The following EHMT1 variants were observed in gnomAD, a reference collection of about 807,000 sequenced individuals.
The protein encoded by EHMT1 is euchromatic histone lysine methyltransferase 1.
EHMT1 carries 15 observed loss-of-function variants against 147.2 expected under a neutral mutation model. The observed-to-expected ratio is 0.10, with a 90% CI of 0.07 to 0.16. The LOEUF (loss-of-function observed/expected upper bound fraction) is 0.16. EHMT1 is among the 10% of genes least tolerant of loss of function. The pLI, the probability that EHMT1 is intolerant of heterozygous loss-of-function variation, is 1.00. For missense variants in EHMT1, 1,587 were observed against 1,772.4 expected (o/e 0.90, Z 1.88); for synonymous variants, 795 against 709.6 (o/e 1.12, Z -1.91).
At chr9:137,717,357 C>A (rs1945435084) in intron 3 of EHMT1, 175 bp downstream of exon 3, 2 of 835,860 alleles carry the variant, frequency 2.4e-6, no homozygotes. Context: ...TATCGCAGCA[C>A]TTTGGGAGGC....
At chr9:137,702,590 C>T (rs1943929839) in intron 1 of EHMT1, among the ~76,000 whole-genome samples, 1 of 152,130 alleles carries the variant, frequency 6.6e-6, no homozygotes, top group Non-Finnish European at 1.5e-5. Flanking sequence ...CCTGCAGCTG[C>T]TTTCATGGGC....
chr9:137,651,400 T>A (rs532674391), intron 1 of EHMT1, among the ~76,000 whole-genome samples: 5 of 152,208 alleles, frequency 3.3e-5, no homozygotes, highest in Non-Finnish European at 2.9e-5. Flanking sequence ...TTTAATTAGA[T>A]CTTTGATCTA....
chr9:137,700,257 C>T (rs1432650846), intron 1 of EHMT1, among the ~76,000 whole-genome samples: 2 of 152,172 alleles, frequency 1.3e-5, no homozygotes, highest in East Asian at 3.9e-4. Context: ...TCATGACAGC[C>T]TGTAGTGCCC....
intron 1 of EHMT1, among the ~76,000 whole-genome samples, chr9:137,624,406 G>C (rs953482128): frequency 2.0e-5 from 3 of 149,272 alleles, no homozygotes; most frequent in Non-Finnish European, 4.4e-5. Flanking sequence ...TCTGCAACCT[G>C]CCCGGTTCAG....
chr9:137,666,077 CCT>C (rs1366663850), intron 1 of EHMT1: 2 of 152,262 alleles, frequency 1.3e-5, no homozygotes, highest in Non-Finnish European at 2.9e-5. Flanking sequence ...TTGCTTAATC[CCT>C]CTTTCTTTTA....
chr9:137,832,256 C>T (rs1265726998), intron 25 of EHMT1, among the ~76,000 whole-genome samples: 1 of 151,100 alleles, frequency 6.6e-6, no homozygotes, highest in East Asian at 2.0e-4. Flanking sequence ...TGGCTGGGCT[C>T]CCTCCTCAGG....
At chr9:137,716,029 TA>T (rs1357274099) in intron 2 of EHMT1, among the ~76,000 whole-genome samples, 6 of 141,758 alleles carry the variant, frequency 4.2e-5, no homozygotes, top group Non-Finnish European at 9.3e-5. Flanking sequence ...GGTGGTGTCA[TA>T]GGGGGAGGAA....
chr9:137,729,174 T>A (rs1946882099), intron 4 of EHMT1, among the ~76,000 whole-genome samples: 2 of 152,144 alleles, frequency 1.3e-5, no homozygotes, highest in African/African-American at 2.4e-5. Flanking sequence ...AGGCCCTTCC[T>A]GCCAGCCCTC....
At chr9:137,740,667 A>G (rs1390207060) in intron 4 of EHMT1, among the ~76,000 whole-genome samples, 1 of 117,818 alleles carries the variant, frequency 8.5e-6, no homozygotes, top group African/African-American at 6.3e-5. Flanking sequence ...ATGTTTCTCT[A>G]CTATTTAATG....
chr9:137,626,999 C>T (rs921852042), intron 1 of EHMT1, among the ~76,000 whole-genome samples: 1 of 152,062 alleles, frequency 6.6e-6, no homozygotes, highest in African/African-American at 2.4e-5. Flanking sequence ...GCTTTGTTGC[C>T]TAGGCTGGAG....
chr9:137,795,476 C>T (rs934192883), intron 16 of EHMT1, among the ~76,000 whole-genome samples: 1 of 150,998 alleles, frequency 6.6e-6, no homozygotes, highest in Non-Finnish European at 1.5e-5. Flanking sequence ...AACACATTCA[C>T]TCAGACCAGG....
chr9:137,792,662 G>T (rs1436435121), intron 16 of EHMT1, among the ~76,000 whole-genome samples: 1 of 152,190 alleles, frequency 6.6e-6, no homozygotes, highest in South Asian at 2.1e-4. Flanking sequence ...CCGAGATCAC[G>T]CCACTGCGCT....
chr9:137,755,270 G>T (rs1448662325), intron 8 of EHMT1, among the ~76,000 whole-genome samples: 1 of 152,168 alleles, frequency 6.6e-6, no homozygotes, highest in African/African-American at 2.4e-5. Flanking sequence ...CTCCCAGGCA[G>T]CCCCTGGTCT....
chr9:137,698,431 C>T (rs970631444), intron 1 of EHMT1, among the ~76,000 whole-genome samples: 3 of 152,234 alleles, frequency 2.0e-5, no homozygotes, highest in Admixed American at 1.3e-4. Flanking sequence ...CAGGTGTCAT[C>T]TCTTTAGTGG....
chr9:137,620,866 TG>T (rs1487241967), intron 1 of EHMT1, among the ~76,000 whole-genome samples: 3 of 152,218 alleles, frequency 2.0e-5, no homozygotes, highest in African/African-American at 7.2e-5. Context: ...TTTACACACC[TG>T]ATGAGAATGA....
Position 137,776,877 on chromosome 9 carries a change from G to T in EHMT1, c.2018+33G>T. 2.5e-6 allele frequency: 4 copies of T among 1,606,312 alleles called. No homozygotes were observed. Among genetic ancestry groups the T allele is most frequent in the Non-Finnish European group, 3.4e-6 (4 of 1,174,830 alleles). On this transcript the variant is annotated intron_variant, in intron 12 of 26. Transcript: ENST00000460843. This position sits in a 1 kb window ranked among gnomAD's most constrained non-coding sequence, Gnocchi z 4.4. ...GCACAGGCTCTGGCTGGGCTCTCCA[G>T]TCGTCCACCTGAAAAAGTTTCAGTT...
chr9:137,804,160 A>G (rs765755513), intron 18 of EHMT1, among the ~76,000 whole-genome samples: 1 of 152,308 alleles, frequency 6.6e-6, no homozygotes, highest in South Asian at 2.1e-4. Context: ...ACCCACCCCC[A>G]TAATCCAATC....
intron 6 of EHMT1, among the ~76,000 whole-genome samples, chr9:137,744,516 C>T (rs1177081067): frequency 2.0e-5 from 3 of 152,166 alleles, no homozygotes; most frequent in Non-Finnish European, 2.9e-5. Context: ...GACGGGGACT[C>T]GCTTTGCTGC....
At chr9:137,761,757 A>T (rs1205576892) in intron 9 of EHMT1, among the ~76,000 whole-genome samples, 1 of 152,208 alleles carries the variant, frequency 6.6e-6, no homozygotes, top group Non-Finnish European at 1.5e-5. Flanking sequence ...GCGCCCAGCC[A>T]AGAGTTAATT....
Sources: allele counts gnomAD v4.1 joint callset (sites outside exome capture counted in the v4.1 genomes callset), GRCh38; gene constraint gnomAD v4.1.1; non-coding constraint Gnocchi (gnomAD v3.1); transcripts MANE v1.5; gene names NCBI Gene and HGNC (gene_info 2026-07-23, HGNC 2026-07-21).